Variants in GPSM2 observed in about 807,000 individuals in gnomAD.
GPSM2 encodes G protein signaling modulator 2.
GPSM2 carries 58 observed loss-of-function variants against 78.4 expected under a neutral mutation model. That is an observed-to-expected ratio of 0.74 (90% confidence interval 0.60 to 0.92). The LOEUF is 0.92. Among genes scored for constraint, GPSM2 ranks in the 40% least tolerant of loss-of-function variants. GPSM2 has a pLI of 0.00. For synonymous variants in GPSM2, 224 were observed against 280.2 expected, an observed-to-expected ratio of 0.80 and a Z score of 2.00; for missense variants, 700 against 815.5, an observed-to-expected ratio of 0.86 and a Z score of 1.73.
intron 14 of GPSM2, among the ~76,000 whole-genome samples, chr1:108,928,185 T>C (rs1034882399): frequency 6.6e-5 from 10 of 152,288 alleles, no homozygotes; most frequent in Non-Finnish European, 1.3e-4. Flanking sequence ...CCAGAATATA[T>C]AGAAAACTCC....
chr1:108,922,365 AAAGAT>A lies in GPSM2; in HGVS notation c.1441-49_1441-45del, dbSNP rs1248958186. ...GCATCATGATGTTCATTGATGATCT[AAAGAT>A]AATACTGGAATATTCAAATAAACTA... On this transcript the variant is annotated intron_variant, in intron 12 of 14. Coordinates refer to ENST00000264126, the MANE Select transcript of GPSM2 (RefSeq NM_013296.5). 5 of 1,300,546 alleles carry A rather than the reference AAAGAT, an allele frequency of 3.8e-6. No homozygotes were observed. In the African/African-American group the frequency reaches 5.8e-5, roughly 15 times the overall value. The allele number at this position is 1,300,546 out of a possible 1,614,324, so 80.6% of individuals were successfully genotyped here. A position where few individuals can be genotyped will look rare whatever the true frequency, so the allele number is the denominator to read the frequency against.
intron 14 of GPSM2, among the ~76,000 whole-genome samples, chr1:108,926,060 G>C (rs1349271419): frequency 1.3e-5 from 2 of 152,076 alleles, no homozygotes; most frequent in Non-Finnish European, 2.9e-5. Context: ...ATTGGAGTTG[G>C]GGAGCACTAT....
At chr1:108,908,508 C>T (rs1199879934) in intron 10 of GPSM2, among the ~76,000 whole-genome samples, 1 of 151,190 alleles carries the variant, frequency 6.6e-6, no homozygotes, top group Non-Finnish European at 1.5e-5. Flanking sequence ...ACGGTGAAAC[C>T]GTGTCTCTAC....
At chr1:108,879,036 T>C (rs987386954) in intron 1 of GPSM2, among the ~76,000 whole-genome samples, 1 of 152,262 alleles carries the variant, frequency 6.6e-6, no homozygotes, top group Non-Finnish European at 1.5e-5. Context: ...CTTTAGGTGC[T>C]GTGTTTTGTT....
intron 2 of GPSM2, among the ~76,000 whole-genome samples, chr1:108,889,995 G>C (rs1016704350): frequency 6.6e-6 from 1 of 152,162 alleles, no homozygotes; most frequent in African/African-American, 2.4e-5. Flanking sequence ...GCCCTATGTT[G>C]AACTCCCTTC....
intron 1 of GPSM2, chr1:108,877,775 G>GT (rs1355656442): frequency 1.3e-5 from 2 of 152,086 alleles, no homozygotes; most frequent in Admixed American, 6.5e-5. Context: ...TGCAAAAAGA[G>GT]TAAGTAAACA....
intron 2 of GPSM2, among the ~76,000 whole-genome samples, chr1:108,896,159 G>GACTT: frequency 6.6e-6 from 1 of 152,232 alleles, no homozygotes; most frequent in African/African-American, 2.4e-5. Flanking sequence ...TGTTTACAGT[G>GACTT]ACTTAATCCT....
At chr1:108,917,608 A>C (rs1650330622) in intron 11 of GPSM2, among the ~76,000 whole-genome samples, 1 of 41,778 alleles carries the variant, frequency 2.4e-5, no homozygotes, top group Non-Finnish European at 4.0e-5. Context: ...ACACACACAC[A>C]CACATATATA....
intron 11 of GPSM2, among the ~76,000 whole-genome samples, chr1:108,917,221 T>G (rs1053615342): frequency 1.3e-5 from 2 of 152,124 alleles, no homozygotes; most frequent in Non-Finnish European, 2.9e-5. Flanking sequence ...CCTTATAACC[T>G]GTATGTGAAA....
intron 10 of GPSM2, among the ~76,000 whole-genome samples, chr1:108,908,264 G>A (rs58187137): frequency 6.6e-6 from 1 of 151,980 alleles, no homozygotes; most frequent in South Asian, 2.1e-4. Flanking sequence ...GCAGCTACTC[G>A]GGAGGCTGAG....
intron 1 of GPSM2, among the ~76,000 whole-genome samples, chr1:108,880,957 A>G (rs937250365): frequency 2.0e-5 from 3 of 152,226 alleles, no homozygotes; most frequent in Non-Finnish European, 4.4e-5. Context: ...TTTTACTGCC[A>G]GTGGAGTAAA....
chr1:108,884,566 G>A (rs2101323116), intron 1 of GPSM2, among the ~76,000 whole-genome samples: 1 of 152,258 alleles, frequency 6.6e-6, no homozygotes, highest in South Asian at 2.1e-4. Context: ...TGTTAAAGTT[G>A]TAAAGACAAG....
intron 12 of GPSM2, among the ~76,000 whole-genome samples, chr1:108,919,139 C>G (rs953765980): frequency 1.3e-5 from 2 of 152,044 alleles, no homozygotes; most frequent in African/African-American, 4.8e-5. Context: ...TCCCGAGTAG[C>G]TGCGATTACA....
intron 13 of GPSM2, 38 bp from the exon 14 acceptor site, chr1:108,923,961 GT>G (rs770715946): frequency 1.0e-4 from 136 of 1,361,992 alleles, no homozygotes; most frequent in Middle Eastern, 1.8e-4. Context: ...TTTGTTTTTT[GT>G]TTTTTTTTAA....
At chr1:108,914,555 A>G (rs1196583220) in intron 11 of GPSM2, 147 bp downstream of exon 11, 8 of 647,944 alleles carry the variant, frequency 1.2e-5, no homozygotes, top group Non-Finnish European at 2.2e-5. Flanking sequence ...CAGAAAAAGT[A>G]TAGTGCAAAA....
chr1:108,891,255 A>C (rs1647943960), intron 2 of GPSM2, among the ~76,000 whole-genome samples: 1 of 152,192 alleles, frequency 6.6e-6, no homozygotes, highest in South Asian at 2.1e-4. Context: ...TCTTGCATGT[A>C]AGTTGTGAAG....
intron 11 of GPSM2, among the ~76,000 whole-genome samples, chr1:108,915,095 G>A (rs1285993617): frequency 4.6e-5 from 7 of 151,928 alleles, no homozygotes; most frequent in Admixed American, 3.9e-4. Context: ...GCTCTCGGCC[G>A]GGCACGGTGG....
intron 2 of GPSM2, among the ~76,000 whole-genome samples, chr1:108,895,569 G>A (rs901883271): frequency 5.3e-5 from 8 of 152,062 alleles, no homozygotes. Context: ...TCTCATAGGA[G>A]TGCAAACCCT....
chr1:108,910,832 C>T (rs1375712866), intron 10 of GPSM2, among the ~76,000 whole-genome samples: 1 of 149,978 alleles, frequency 6.7e-6, no homozygotes, highest in East Asian at 2.0e-4. Context: ...CACTGCACTC[C>T]AGCCTGGGCG....
Sources: gnomAD v4.1 joint callset for allele counts (sites outside exome capture counted in the v4.1 genomes callset) on GRCh38, gnomAD v4.1.1 for gene constraint, MANE v1.5 for transcripts, NCBI Gene and HGNC (gene_info 2026-07-23, HGNC 2026-07-21) for gene names.